Variants in RAB37 observed in about 807,000 individuals in gnomAD.
The protein encoded by RAB37 is RAB37, member RAS oncogene family.
A neutral mutation model predicts 33.1 loss-of-function variants in RAB37; 29 were observed. The ratio of observed to expected loss-of-function variants is 0.88; its 90% CI spans 0.65 to 1.20. RAB37 has a LOEUF of 1.20. Ranked by LOEUF, RAB37 falls within the 50% of genes most tolerant of loss-of-function variation. The probability of loss-of-function intolerance (pLI) is 0.00; values close to 1 mark genes in which losing one functional copy is unlikely to be tolerated. For missense variants in RAB37, 299 were observed against 301.1 expected, an observed-to-expected ratio of 0.99 and a Z score of 0.05; for synonymous variants, 128 against 119.5, an observed-to-expected ratio of 1.07 and a Z score of -0.47.
In RAB37 at chr17:74,699,252, T is replaced by C. The variant is rs569525566; in HGVS notation, c.72+27594T>C. On this transcript the variant is annotated intron_variant, in intron 1 of 7. Coordinates refer to the RAB37 transcript ENST00000340415. ...ATAGTTTTTAAAAGGAGAAAAGGGT[T>C]CCATGAGGTGGTTTTAATGTGTCTA... Among the ~76,000 whole-genome samples the C allele has an allele frequency of 3.3e-5, 5 of 152,254 alleles. No individual in the cohort carries two copies. The East Asian group carries it at 9.7e-4, about 29-fold the overall frequency.
upstream of RAB37, among the ~76,000 whole-genome samples, chr17:74,735,844 T>A (rs2144050060): frequency 6.6e-6 from 1 of 152,236 alleles, no homozygotes. Flanking sequence ...GCGTACAAAG[T>A]CAGTCCCCAC....
intron 1 of RAB37, among the ~76,000 whole-genome samples, chr17:74,674,072 T>G (rs992491487): frequency 3.3e-5 from 5 of 152,098 alleles, no homozygotes; most frequent in African/African-American, 1.2e-4. Flanking sequence ...CCAACATTAA[T>G]TGCTAGGATA....
At chr17:74,695,005 T>C (rs2032288558) in intron 1 of RAB37, 2 of 1,379,130 alleles carry the variant, frequency 1.5e-6, no homozygotes, top group African/African-American at 2.9e-5. Context: ...AGTCCCCGGG[T>C]TGGTCCTGAT....
intron 1 of RAB37, among the ~76,000 whole-genome samples, chr17:74,723,237 C>T (rs969694925): frequency 6.6e-6 from 1 of 152,172 alleles, no homozygotes; most frequent in Non-Finnish European, 1.5e-5. Flanking sequence ...GTACCATACA[C>T]CCCACCTGGT....
intron 1 of RAB37, among the ~76,000 whole-genome samples, chr17:74,728,453 AGT>A (rs1428418262): frequency 2.1e-5 from 3 of 140,538 alleles, no homozygotes; most frequent in Admixed American, 7.0e-5. Context: ...GTGTTGTACA[AGT>A]GTGTCTGTGT....
intron 1 of RAB37, among the ~76,000 whole-genome samples, chr17:74,704,091 A>G (rs1027347661): frequency 6.6e-6 from 1 of 152,094 alleles, no homozygotes; most frequent in African/African-American, 2.4e-5. Context: ...CCAGCCCAGA[A>G]CTCCACCAAA....
rs779919321 is a variant in RAB37, at chr17:74,745,429, G to A, written c.*18G>A. ...TCATGTGAATCCCAGGGGGCAGAGA[G>A]GAGGCTCTGGAGGCACACAGGATGC... On this transcript the variant is annotated 3_prime_UTR_variant, in exon 9 of 9. Transcript: ENST00000392613. The surrounding 1 kb of genome is among the most constrained non-coding windows in gnomAD (Gnocchi z 4.5). 2.5e-6 allele frequency: 4 copies of A among 1,582,190 alleles called. No homozygotes were observed. Among genetic ancestry groups the A allele is most frequent in the Non-Finnish European group, 3.5e-6 (4 of 1,151,194 alleles).
rs1413599001 is a variant in RAB37, at chr17:74,738,737, T to C, written c.93+1372T>C. Among the ~76,000 whole-genome samples, 1 of 151,766 alleles carries C rather than the reference T, an allele frequency of 6.6e-6. No homozygotes were observed. The stretch of plus-strand genomic sequence containing the variant: ...TGGCCAAGCGGCATTGGCCGGAGAG[T>C]TGGTCCCCAGCCTCCCCGGGCCTGC... On this transcript the variant is annotated intron_variant, in intron 1 of 8. Transcript: ENST00000392613. The surrounding 1 kb of genome is among the most constrained non-coding windows in gnomAD (Gnocchi z 5.0).
chr17:74,729,012 GTGTA>G lies in RAB37; in HGVS notation c.73-240_73-237del, dbSNP rs1457339108. On this transcript the variant is annotated intron_variant, in intron 1 of 7. Transcript: ENST00000340415. The surrounding 1 kb of genome is among the most constrained non-coding windows in gnomAD (Gnocchi z 4.2). ...TGTGCTTCTGTGTGTATGTTTCTGT[GTGTA>G]TGTGTGTTCTGTGTGTGCATATATG... Among the ~76,000 whole-genome samples, 1 of 151,742 alleles carries G rather than the reference GTGTA, an allele frequency of 6.6e-6. No individual in the cohort carries two copies. Among genetic ancestry groups the G allele is most frequent in the Non-Finnish European group, 1.5e-5 (1 of 67,916 alleles).
chr17:74,697,780 A>G (rs1300440354), intron 1 of RAB37, among the ~76,000 whole-genome samples: 1 of 152,206 alleles, frequency 6.6e-6, no homozygotes, highest in Non-Finnish European at 1.5e-5. Context: ...TCAGCCTGGG[A>G]AAGTCCAGTG....
Position 74,737,361 on chromosome 17 carries a change from G to C in RAB37, c.89G>C (p.Gly30Ala). 1 of 1,569,062 alleles carries C rather than the reference G, an allele frequency of 6.4e-7. No homozygotes were observed. The highest frequency in any genetic ancestry group is 8.6e-7 in the Non-Finnish European group (1 of 1,164,584). The change falls in exon 1 of 9, where the codon GGC becomes GCC. Residue 30 changes from glycine to alanine, a missense_variant. Coordinates refer to ENST00000392613, the MANE Select transcript of RAB37 (RefSeq NM_001006638.3). Reference protein sequence around the residue: ...PPCSPSYDLTGKVMLLGDTGV... With the variant: ...PPCSPSYDLTAKVMLLGDTGV... ...TGCAGTCCGAGCTACGACCTCACGG[G>C]CAAGGTGGGTGGGCCTCTTCCGTGA...
intron 1 of RAB37, among the ~76,000 whole-genome samples, chr17:74,700,286 C>T (rs549434233): frequency 2.2e-4 from 34 of 152,268 alleles, no homozygotes; most frequent in African/African-American, 6.7e-4. Context: ...GCCTACGACT[C>T]ACCCCTGCCT....
intron 1 of RAB37, among the ~76,000 whole-genome samples, chr17:74,701,092 A>C (rs2033012166): frequency 6.6e-6 from 1 of 152,240 alleles, no homozygotes; most frequent in Non-Finnish European, 1.5e-5. Context: ...AGCCTCCAGA[A>C]TTGTGAGAAA....
chr17:74,735,047 AAGAAAGAAAGAAAG>A (rs1262382349), upstream of RAB37, among the ~76,000 whole-genome samples: 3 of 147,314 alleles, frequency 2.0e-5, no homozygotes, highest in Non-Finnish European at 4.6e-5. Flanking sequence ...GAAAGAAAGA[AAGAAAGAAAGAAAG>A]AGAAAGAAAG....
At chr17:74,705,354 G>GC (rs1414322286) in intron 1 of RAB37, 2 of 660,646 alleles carry the variant, frequency 3.0e-6, no homozygotes. Context: ...GATCAAAACA[G>GC]CAACGGCAAC....
At chr17:74,698,731 G>T in intron 1 of RAB37, 1 of 899,416 alleles carries the variant, frequency 1.1e-6, no homozygotes, top group Non-Finnish European at 1.6e-6. Flanking sequence ...AGGAAGCAAA[G>T]AATCAAAAAA....
chr17:74,723,947 A>C (rs931475725), intron 1 of RAB37, among the ~76,000 whole-genome samples: 4 of 152,210 alleles, frequency 2.6e-5, no homozygotes, highest in African/African-American at 9.6e-5. Flanking sequence ...CAAAGTTGAC[A>C]TTCAGCTTCT....
chr17:74,701,847 CA>C (rs11321122), intron 1 of RAB37, among the ~76,000 whole-genome samples: 37,384 of 86,690 alleles, frequency 0.43, 6,564 homozygotes, highest in African/African-American at 0.61. Flanking sequence ...GAGAATCCGT[CA>C]AAAAAAAAAA....
At chr17:74,702,333 T>C (rs1050596871) in intron 1 of RAB37, among the ~76,000 whole-genome samples, 1 of 152,102 alleles carries the variant, frequency 6.6e-6, no homozygotes, top group African/African-American at 2.4e-5. Flanking sequence ...GAGACTTCCA[T>C]CCAAGCTCCA....
Sources: allele counts gnomAD v4.1 joint callset (sites outside exome capture counted in the v4.1 genomes callset), GRCh38; gene constraint gnomAD v4.1.1; non-coding constraint Gnocchi (gnomAD v3.1); transcripts MANE v1.5; gene names NCBI Gene and HGNC (gene_info 2026-07-23, HGNC 2026-07-21).